The following SH3BP1 variants were observed in gnomAD, a reference collection of about 807,000 sequenced individuals.
SH3BP1 encodes the protein SH3 domain binding protein 1, also known as SH3 domain-binding protein 1.
Under a neutral mutation model 69.8 loss-of-function variants are expected in SH3BP1, and 46 were observed. The ratio of observed to expected loss-of-function variants is 0.66; its 90% CI spans 0.52 to 0.84. SH3BP1 has a LOEUF of 0.84. Ranked by LOEUF, SH3BP1 falls within the 40% of genes least tolerant of loss-of-function variation. The pLI is 0.00. For missense variants in SH3BP1, 868 were observed against 930.9 expected (o/e 0.93, Z 0.88); for synonymous variants, 403 against 378.0 (o/e 1.07, Z -0.77).
chr22:37,650,544 A>G lies in SH3BP1; in HGVS notation c.1417A>G (p.Ile473Val), dbSNP rs751588395. 8.1e-6 allele frequency: 13 copies of G among 1,609,072 alleles called. No homozygotes were observed. In the East Asian group the frequency reaches 2.2e-4, roughly 28 times the overall value. ...GTCTCCGCTCCTTCTGTCTCCAGAC[A>G]TCAACTTCAACGTGTCAGGCCTCTT... ...QSADTLFPGD[I>V]NFNVSGLFSA... Residue 473 changes from isoleucine (I) to valine (V), a missense_variant and splice_region_variant, in exon 16 of 18, where the codon ATC becomes GTC. Physicochemically the swap from Ile to Val is conservative, Grantham distance 29 (BLOSUM62 3). Coordinates refer to ENST00000649765, the MANE Select transcript of SH3BP1 (RefSeq NM_018957.6).
chr22:37,655,463 C>G lies in SH3BP1; in HGVS notation c.1885C>G (p.Gln629Glu). 7.2e-7 allele frequency: 1 copy of G among 1,385,206 alleles called. No homozygotes were observed. Among genetic ancestry groups the G allele is most frequent in the East Asian group, 2.6e-5 (1 of 38,408 alleles). 85.8% of individuals were successfully genotyped at this position (1,385,206 alleles called of 1,614,324 possible). Residue 629 changes from glutamine to glutamate, a missense_variant, in exon 18 of 18, where the codon CAG becomes GAG. Physicochemically the swap from Gln to Glu is conservative, Grantham distance 29. Coordinates refer to ENST00000649765, the MANE Select transcript of SH3BP1 (RefSeq NM_018957.6). Reference sequence around the variant, plus strand: ...ACCCCCGTTACCCCCCACACCCCCTCAGCCTGCCCGGCGCCAAAGCCGGCG... The same window carrying G: ...ACCCCCGTTACCCCCCACACCCCCTGAGCCTGCCCGGCGCCAAAGCCGGCG... ...VPPPLPPTPPQPARRQSRRSP... is the reference protein window; with the variant it reads ...VPPPLPPTPPEPARRQSRRSP...
intron 15 of SH3BP1, 31 bp from the exon 16 acceptor site, chr22:37,650,511 T>G: frequency 6.3e-7 from 1 of 1,586,860 alleles, no homozygotes; most frequent in Non-Finnish European, 8.6e-7. Context: ...GCGCGGTCTC[T>G]GAGAGCCGTC....
Position 37,656,102 on chromosome 22 carries a change from A to G in SH3BP1, c.*418A>G. On this transcript the variant is annotated 3_prime_UTR_variant, in exon 18 of 18. Transcript: ENST00000649765. ...CTTGAAATAAAGAAGCCAATTTTATAAAGGGGAAAACAATACATATTCTTT... is the reference window on the plus strand; with the variant it reads ...CTTGAAATAAAGAAGCCAATTTTATGAAGGGGAAAACAATACATATTCTTT... The G allele has an allele frequency of 8.2e-7, 1 of 1,223,890 alleles. No individual in the cohort carries two copies. The highest frequency in any genetic ancestry group is 1.1e-6 in the Non-Finnish European group (1 of 928,764). 75.8% of individuals were successfully genotyped at this position (1,223,890 alleles called of 1,614,324 possible).
chr22:37,650,201 G>A lies in SH3BP1; in HGVS notation c.1366G>A (p.Gly456Ser). Reference protein sequence around the residue: ...AASVSSIQVVGVVEALIQSAD... With the variant: ...AASVSSIQVVSVVEALIQSAD... ...CTCCGTGTCTTCCATCCAGGTGGTG[G>A]GCGTCGTCGAGGCGCTGATCCAGAG... The change falls in exon 15 of 18, where the codon GGC (glycine) becomes AGC (serine). Residue 456 changes from glycine (G) to serine (S), a missense_variant. This residue lies in a region of SH3BP1 where 474 missense variants were observed against 462.3 expected (regional missense o/e 1.03). Coordinates refer to ENST00000649765, the MANE Select transcript of SH3BP1 (RefSeq NM_018957.6). 6.2e-7 allele frequency: 1 copy of A among 1,613,974 alleles called. No homozygotes were observed. The highest frequency in any genetic ancestry group is 8.5e-7 in the Non-Finnish European group (1 of 1,179,988).
In SH3BP1 at chr22:37,655,998, TG is replaced by T. The variant is rs1453453047; in HGVS notation, c.*315del. Reference sequence around the variant, plus strand: ...GGGACTGATTCTTCTCTTGCCGACATGTTTTTTGTAAGGCTGGTAAATAAAT... The same window carrying T: ...GGGACTGATTCTTCTCTTGCCGACATTTTTTTGTAAGGCTGGTAAATAAAT... On this transcript the variant is annotated 3_prime_UTR_variant, in exon 18 of 18. Transcript: ENST00000649765. 1 of 1,473,932 alleles carries T rather than the reference TG, an allele frequency of 6.8e-7. No individual in the cohort carries two copies. Among genetic ancestry groups the T allele is most frequent in the Non-Finnish European group, 9.1e-7 (1 of 1,101,180 alleles). 91.3% of individuals were successfully genotyped at this position (1,473,932 alleles called of 1,614,324 possible). A position where few individuals can be genotyped will look rare whatever the true frequency, so the allele number is the denominator to read the frequency against.
chr22:37,642,790 G>C, intron 4 of SH3BP1, 105 bp from the exon 5 acceptor site: 1 of 1,593,530 alleles, frequency 6.3e-7, no homozygotes, highest in South Asian at 1.1e-5. Context: ...AGAGATGAAG[G>C]ATATCTAGGA....
intron 16 of SH3BP1, 118 bp from the exon 17 acceptor site, chr22:37,653,661 G>A (rs1292138756): frequency 9.4e-6 from 7 of 743,448 alleles, no homozygotes; most frequent in Admixed American, 2.0e-5. Context: ...GGGACAGAGT[G>A]ATAGAGAGCG....
chr22:37,647,570 T>G, intron 13 of SH3BP1, 49 bp downstream of exon 13: 1 of 1,492,036 alleles, frequency 6.7e-7, no homozygotes, highest in Non-Finnish European at 9.1e-7. Context: ...AGAGCCCAGC[T>G]GAGGTCACGG....
At position 37,647,516 on chromosome 22, in the gene SH3BP1, C is replaced by A; in HGVS notation, c.1194C>A (p.Asn398Lys). The A allele has an allele frequency of 1.2e-6, 2 of 1,602,450 alleles. No individual in the cohort carries two copies. The highest frequency in any genetic ancestry group is 1.7e-6 in the Non-Finnish European group (2 of 1,178,780). Residue 398 changes from asparagine (N) to lysine (K), a missense_variant, in exon 13 of 18, where the codon AAC becomes AAA. Physicochemically the swap from Asn to Lys is moderately conservative, Grantham distance 94 (BLOSUM62 0). This residue lies in a region of SH3BP1 where 474 missense variants were observed against 462.3 expected (regional missense o/e 1.03). Coordinates refer to ENST00000649765, the MANE Select transcript of SH3BP1 (RefSeq NM_018957.6). ...CSRLPPENLSNLRYLMKFLAR... is the reference protein window; with the variant it reads ...CSRLPPENLSKLRYLMKFLAR... The stretch of plus-strand genomic sequence containing the variant: ...GCCTACCCCCCGAGAACCTCAGCAA[C>A]CTCAGGTGAGCCCGAGCCCGCCTCC...
intron 2 of SH3BP1, 79 bp downstream of exon 2, chr22:37,641,247 A>G: frequency 3.9e-6 from 6 of 1,520,144 alleles, no homozygotes; most frequent in Non-Finnish European, 5.4e-6. Flanking sequence ...CGGGGACGCC[A>G]GGTAGGGGCC....
intron 16 of SH3BP1, 130 bp from the exon 17 acceptor site, chr22:37,653,649 T>C (rs1932933163): frequency 1.4e-6 from 1 of 722,068 alleles, no homozygotes; most frequent in Non-Finnish European, 2.6e-6. Context: ...GTGCGTGGCA[T>C]GGGGACAGAG....
At chr22:37,647,034 G>A in intron 11 of SH3BP1, 105 bp downstream of exon 11, 2 of 813,544 alleles carry the variant, frequency 2.5e-6, no homozygotes, top group East Asian at 2.7e-5. Flanking sequence ...ATTCTGTTGA[G>A]ACTGAGGACA....
chr22:37,653,750 T>A (rs1275514712), intron 16 of SH3BP1, 29 bp from the exon 17 acceptor site: 13 of 1,540,502 alleles, frequency 8.4e-6, no homozygotes, highest in Non-Finnish European at 1.2e-5. Flanking sequence ...GGTGGCTAAG[T>A]CTGCCCCATC....
intron 8 of SH3BP1, 41 bp downstream of exon 8, chr22:37,644,746 G>A: frequency 1.2e-6 from 2 of 1,611,910 alleles, no homozygotes; most frequent in Non-Finnish European, 1.7e-6. Context: ...GAGTTCAGGG[G>A]CTGAATGCCA....
Position 37,641,380 on chromosome 22 carries a change from C to T in SH3BP1, c.109C>T (p.Gln37Ter). 6.4e-7 allele frequency: 1 copy of T among 1,550,956 alleles called. No homozygotes were observed. Among genetic ancestry groups the T allele is most frequent in the Non-Finnish European group, 8.7e-7 (1 of 1,146,986 alleles). ...CTCCATACCTCCTTCCCAGGTAGAA[C>T]AGCGGCTGGAGCCGGCCAAGCGGGC... ...FLGEDLLQVE[Q>*]RLEPAKRAAH... The change falls in exon 3 of 18, where the codon CAG (glutamine) becomes TAG (stop). Residue 37 changes from glutamine to a stop codon, truncating the protein, a stop_gained. Coordinates refer to ENST00000649765, the MANE Select transcript of SH3BP1 (RefSeq NM_018957.6). LOFTEE classifies it high-confidence loss of function.
chr22:37,645,211 G>A (rs900373416), intron 9 of SH3BP1, among the ~76,000 whole-genome samples, 154 bp from the exon 10 acceptor site: 1 of 152,154 alleles, frequency 6.6e-6, no homozygotes. Flanking sequence ...CAGTGGAGGC[G>A]GGCTGATTCG....
rs752383250 is a variant in SH3BP1 at position 37,653,815 on chromosome 22, C to T, written c.1635C>T (p.Pro545=). The change falls in exon 17 of 18, where the codon CCC becomes CCT. Residue 545 remains proline, a synonymous_variant. Transcript: ENST00000649765. ...AGGTGCCTCCCAGACCAGCCTCCCC[C>T]AAGGTCACCAGGAGTCCCCCGGAGA... ...ESEVPPRPAS[P]KVTRSPPETA... The T allele has an allele frequency of 3.1e-6, 5 of 1,612,466 alleles. No homozygotes were observed. The highest frequency in any genetic ancestry group is 4.2e-6 in the Non-Finnish European group (5 of 1,179,154).
chr22:37,646,141 A>AT (rs886837667), intron 10 of SH3BP1, among the ~76,000 whole-genome samples: 3 of 149,770 alleles, frequency 2.0e-5, no homozygotes, highest in African/African-American at 7.4e-5. Context: ...TAATTTTTGT[A>AT]TTTTTTAGTA....
intron 10 of SH3BP1, 137 bp from the exon 11 acceptor site, chr22:37,646,681 G>GT (rs1372714167): frequency 4.3e-6 from 2 of 460,490 alleles, no homozygotes; most frequent in Non-Finnish European, 7.6e-6. Flanking sequence ...GGACACCGTG[G>GT]TGCCCACACT....
Sources: allele counts gnomAD v4.1 joint callset (sites outside exome capture counted in the v4.1 genomes callset), GRCh38; gene constraint gnomAD v4.1.1; regional missense constraint gnomAD v4.1.1; transcripts MANE v1.5; gene names NCBI Gene and HGNC (gene_info 2026-07-23, HGNC 2026-07-21).